FLT1: variants seen among roughly 807,000 people sequenced by gnomAD.
The protein encoded by FLT1 is vascular endothelial growth factor receptor 1.
In FLT1, 49 loss-of-function variants were observed where a neutral mutation model predicts 156.3. The observed-to-expected ratio is 0.31, with a 90% confidence interval of 0.25 to 0.40. The LOEUF (loss-of-function observed/expected upper bound fraction) is 0.40, where lower values mean the gene tolerates loss of function less well. Among genes scored for constraint, FLT1 ranks in the 10% least tolerant of loss-of-function variants. FLT1 has a pLI of 1.00. For missense variants in FLT1, 1,322 were observed against 1,637.2 expected (o/e 0.81, Z 3.32); for synonymous variants, 594 against 583.8 (o/e 1.02, Z -0.25).
intron 14 of FLT1, among the ~76,000 whole-genome samples, chr13:28,366,892 C>T (rs894170052): frequency 1.3e-5 from 2 of 152,176 alleles, no homozygotes; most frequent in Admixed American, 6.5e-5. Context: ...CTGCCCACTC[C>T]ACTGTGGGCT....
Position 28,466,932 on chromosome 13 carries a change from G to T in FLT1, c.359C>A (p.Thr120Lys), listed in dbSNP as rs1241808225. The T allele has an allele frequency of 6.2e-7, 1 of 1,612,488 alleles. No homozygotes were observed. The highest frequency in any genetic ancestry group is 1.7e-5 in the Admixed American group (1 of 60,030). Residue 120 changes from threonine (T) to lysine (K), a missense_variant, in exon 3 of 30, where the codon ACA becomes AAA. Transcript: ENST00000282397. ...AATAAATATATAGATTGCAGATTCT[G>T]TTTCCTTCTTCTTTGAAGTAGGTAC... ...LAVPTSKKKETESAIYIFISD... is the reference protein window; with the variant it reads ...LAVPTSKKKEKESAIYIFISD...
chr13:28,355,057 A>T (rs1199925074), intron 15 of FLT1, among the ~76,000 whole-genome samples: 2 of 152,328 alleles, frequency 1.3e-5, no homozygotes, highest in African/African-American at 4.8e-5. Flanking sequence ...AAATAAAAAT[A>T]ACAGGATCAC....
chr13:28,380,075 C>T (rs1874011141), intron 14 of FLT1, among the ~76,000 whole-genome samples: 1 of 152,182 alleles, frequency 6.6e-6, no homozygotes, highest in African/African-American at 2.4e-5. Flanking sequence ...CAGGCTTCAT[C>T]TAAAAGGTGC....
intron 3 of FLT1, 108 bp downstream of exon 3, chr13:28,466,795 C>T (rs891954590): frequency 3.8e-6 from 3 of 783,090 alleles, no homozygotes; most frequent in African/African-American, 1.7e-5. Context: ...TTTCCTAACC[C>T]GTTTCTTTCA....
chr13:28,459,340 C>T (rs1879436576), intron 3 of FLT1, among the ~76,000 whole-genome samples: 1 of 152,190 alleles, frequency 6.6e-6, no homozygotes, highest in African/African-American at 2.4e-5. Context: ...GGGACTCAAG[C>T]GACTCTATGG....
At chr13:28,413,355 C>T (rs11840253) in intron 10 of FLT1, among the ~76,000 whole-genome samples, 5 of 151,682 alleles carry the variant, frequency 3.3e-5, no homozygotes, top group Admixed American at 6.6e-5. Flanking sequence ...TGAGTGCCAG[C>T]AATCTCCCCG....
intron 13 of FLT1, chr13:28,388,191 A>C (rs943494939): frequency 2.5e-5 from 26 of 1,057,932 alleles, no homozygotes; most frequent in Non-Finnish European, 1.1e-6. Context: ...CTTTGGGCTG[A>C]CAACTTCCAG....
chr13:28,305,008 G>A (rs529741457), intron 29 of FLT1, among the ~76,000 whole-genome samples: 20 of 152,226 alleles, frequency 1.3e-4, no homozygotes, highest in African/African-American at 3.6e-4. Context: ...TGCAAGTTTT[G>A]CTGTGGACAT....
At chr13:28,344,007 G>GCCCCCGCCCCCC (rs755479993) in intron 16 of FLT1, among the ~76,000 whole-genome samples, 1 of 146,064 alleles carries the variant, frequency 6.8e-6, no homozygotes, top group Admixed American at 7.8e-5. Flanking sequence ...ATTCACTCTT[G>GCCCCCGCCCCCC]CCCCCCACCA....
intron 29 of FLT1, among the ~76,000 whole-genome samples, chr13:28,304,288 C>T (rs1870643585): frequency 6.6e-6 from 1 of 152,150 alleles, no homozygotes; most frequent in South Asian, 2.1e-4. Flanking sequence ...CCATTCATTC[C>T]TCATTGGTGC....
rs1566050845 is a variant in FLT1, at chr13:28,473,818, GAAA to G, written c.65-6204_65-6202del. Among the ~76,000 whole-genome samples, 104 of 126,240 alleles carry G rather than the reference GAAA, an allele frequency of 8.2e-4. 3 individuals carry two copies. Among genetic ancestry groups the G allele is most frequent in the South Asian group, 1.2e-3 (5 of 4,212 alleles). The allele number at this position is 126,240 out of a possible 152,430, so 82.8% of individuals were successfully genotyped here. A position where few individuals can be genotyped will look rare whatever the true frequency, so the allele number is the denominator to read the frequency against. On this transcript the variant is annotated intron_variant, in intron 1 of 29. Transcript: ENST00000282397. ...AGAAAGAAAGAAAGAAAGAAAGAAA[GAAA>G]GAAAGAAAGAAAGAAAGGAAGAAAG...
At chr13:28,416,694 G>C (rs1009847173) in intron 10 of FLT1, among the ~76,000 whole-genome samples, 12 of 152,242 alleles carry the variant, frequency 7.9e-5, no homozygotes, top group African/African-American at 2.6e-4. Context: ...AATAAAAATA[G>C]GAACCCCAGG....
At chr13:28,402,201 C>T (rs1031926614) in intron 11 of FLT1, among the ~76,000 whole-genome samples, 9 of 152,164 alleles carry the variant, frequency 5.9e-5, no homozygotes, top group Non-Finnish European at 1.3e-4. Flanking sequence ...TGAGTGTGAT[C>T]GCTGCCCCAC....
At chr13:28,416,490 G>T (rs887233908) in intron 10 of FLT1, among the ~76,000 whole-genome samples, 1 of 152,150 alleles carries the variant, frequency 6.6e-6, no homozygotes, top group Non-Finnish European at 1.5e-5. Flanking sequence ...TCACTTTCAG[G>T]CTCTTTGACA....
At chr13:28,320,101 G>A (rs921215259) in intron 23 of FLT1, among the ~76,000 whole-genome samples, 6 of 152,134 alleles carry the variant, frequency 3.9e-5, no homozygotes, top group African/African-American at 1.2e-4. Context: ...CTTTCAGATA[G>A]CAGGAATCCC....
At chr13:28,309,388 TTG>T (rs1336485388) in intron 27 of FLT1, among the ~76,000 whole-genome samples, 2 of 152,052 alleles carry the variant, frequency 1.3e-5, no homozygotes, top group South Asian at 4.2e-4. Flanking sequence ...GGCTTGTATT[TTG>T]TGTGTGTGTG....
intron 16 of FLT1, among the ~76,000 whole-genome samples, chr13:28,343,038 G>A (rs1189915802): frequency 6.6e-6 from 1 of 151,750 alleles, no homozygotes; most frequent in Non-Finnish European, 1.5e-5. Context: ...GAATGCAGTG[G>A]CATGATCTCA....
In FLT1 at chr13:28,339,315, G is replaced by T; in HGVS notation, c.2356-15C>A. On this transcript the variant is annotated splice_polypyrimidine_tract_variant and intron_variant, in intron 16 of 29. Coordinates refer to ENST00000282397, the MANE Select transcript of FLT1 (RefSeq NM_002019.4). ...TCAGAAGAAGACTGAGAAATAAAGA[G>T]ATCTCAAAGTCATCGAGAAGAAAAC... 2 of 1,611,730 alleles carry T rather than the reference G, an allele frequency of 1.2e-6. No individual in the cohort carries two copies. Among genetic ancestry groups the T allele is most frequent in the Non-Finnish European group, 1.7e-6 (2 of 1,178,688 alleles).
chr13:28,333,873 G>A (rs748522694), intron 18 of FLT1, 152 bp downstream of exon 18: 60 of 716,516 alleles, frequency 8.4e-5, no homozygotes, highest in Non-Finnish European at 1.3e-4. Context: ...TCTAAAACTC[G>A]TGAGCAAAGA....
Sources: gnomAD v4.1 joint callset for allele counts (sites outside exome capture counted in the v4.1 genomes callset) on GRCh38, gnomAD v4.1.1 for gene constraint, MANE v1.5 for transcripts, NCBI Gene and HGNC (gene_info 2026-07-23, HGNC 2026-07-21) for gene names.